The following EGFR variants were observed in gnomAD, a reference collection of about 807,000 sequenced individuals.
The protein encoded by EGFR is avian erythroblastic leukemia viral (v-erb-b) oncogene homolog.
In EGFR, 58 loss-of-function variants were observed where a neutral mutation model predicts 143.0. The observed-to-expected ratio is 0.41, with a 90% confidence interval of 0.33 to 0.50. EGFR has a LOEUF of 0.50. Ranked by LOEUF, EGFR falls within the 20% of genes least tolerant of loss-of-function variation. The pLI, the probability that EGFR is intolerant of heterozygous loss-of-function variation, is 0.39. For missense variants in EGFR, 1,307 were observed against 1,579.0 expected, an observed-to-expected ratio of 0.83 and a Z score of 2.92; for synonymous variants, 613 against 594.4, an observed-to-expected ratio of 1.03 and a Z score of -0.45.
At chr7:55,112,134 G>T (rs908067410) in intron 1 of EGFR, among the ~76,000 whole-genome samples, 1 of 152,244 alleles carries the variant, frequency 6.6e-6, no homozygotes, top group Non-Finnish European at 1.5e-5. Context: ...CCCCTACAGA[G>T]GTCCCCACTG....
chr7:55,032,161 G>T (rs1431264497), intron 1 of EGFR, among the ~76,000 whole-genome samples: 1 of 152,162 alleles, frequency 6.6e-6, no homozygotes, highest in Non-Finnish European at 1.5e-5. Context: ...AAGATGTTCT[G>T]CCAAGCCATA....
intron 1 of EGFR, among the ~76,000 whole-genome samples, chr7:55,042,741 T>C (rs1176834206): frequency 6.6e-6 from 1 of 152,076 alleles, no homozygotes; most frequent in African/African-American, 2.4e-5. Flanking sequence ...AAAATAATGA[T>C]AACAGGTCAA....
At chr7:55,203,747 CACATTAACACACCACAT>C (rs979603275) in intron 27 of EGFR, among the ~76,000 whole-genome samples, 1 of 150,714 alleles carries the variant, frequency 6.6e-6, no homozygotes, top group African/African-American at 2.4e-5. Flanking sequence ...CACAGAAACA[CACATTAACACACCACAT>C]ACACATATGT....
intron 15 of EGFR, chr7:55,168,427 A>G (rs1786177495): frequency 2.4e-6 from 2 of 839,564 alleles, no homozygotes; most frequent in Non-Finnish European, 4.1e-6. Flanking sequence ...TTTGTATAAG[A>G]AATAGTTTGC....
chr7:55,079,104 C>T (rs898111845), intron 1 of EGFR, among the ~76,000 whole-genome samples: 4 of 152,124 alleles, frequency 2.6e-5, no homozygotes, highest in African/African-American at 9.7e-5. Context: ...GCTCGAGCTG[C>T]GAGGCCCTGG....
intron 6 of EGFR, 51 bp downstream of exon 6, chr7:55,152,715 C>A (rs765027291): frequency 5.4e-6 from 8 of 1,488,072 alleles, no homozygotes; most frequent in South Asian, 1.1e-5. Context: ...GCTGCACCCG[C>A]CCCACCCACA....
At chr7:55,050,579 G>T (rs1037135814) in intron 1 of EGFR, among the ~76,000 whole-genome samples, 24 of 152,078 alleles carry the variant, frequency 1.6e-4, no homozygotes, top group Non-Finnish European at 3.4e-4. Flanking sequence ...GTCTTTTAAA[G>T]CCCAAATCTG....
At chr7:55,027,991 A>AAAAATATATATATAT (rs1554311534) in intron 1 of EGFR, among the ~76,000 whole-genome samples, 2 of 54,990 alleles carry the variant, frequency 3.6e-5, no homozygotes, top group Non-Finnish European at 7.4e-5. Context: ...AAAAAAAAAA[A>AAAAATATATATATAT]ATATATATAT....
chr7:55,138,915 G>C (rs1794305505), intron 1 of EGFR, among the ~76,000 whole-genome samples: 1 of 152,190 alleles, frequency 6.6e-6, no homozygotes, highest in South Asian at 2.1e-4. Context: ...AAGGTCAAGA[G>C]AGCATGCATG....
At chr7:55,109,260 C>G (rs1230774303) in intron 1 of EGFR, among the ~76,000 whole-genome samples, 4 of 152,182 alleles carry the variant, frequency 2.6e-5, no homozygotes, top group African/African-American at 9.6e-5. Context: ...GCAACCTAAA[C>G]AAAAGGGGTC....
chr7:55,029,860 A>G (rs770605199), intron 1 of EGFR, among the ~76,000 whole-genome samples: 4 of 152,234 alleles, frequency 2.6e-5, no homozygotes, highest in Non-Finnish European at 4.4e-5. Flanking sequence ...TTAAAAACAA[A>G]TCTAAATGTA....
At chr7:55,182,811 G>A (rs1039965320) in intron 20 of EGFR, among the ~76,000 whole-genome samples, 5 of 152,146 alleles carry the variant, frequency 3.3e-5, no homozygotes, top group African/African-American at 4.8e-5. Flanking sequence ...GTCATAACCC[G>A]GGCCACAGAG....
At chr7:55,180,946 G>A (rs557075655) in intron 19 of EGFR, 19 of 399,384 alleles carry the variant, frequency 4.8e-5, no homozygotes, top group African/African-American at 1.2e-4. Flanking sequence ...ACCTTGAGGC[G>A]GAGGTCTTCA....
intron 21 of EGFR, 123 bp downstream of exon 21, chr7:55,191,997 CGCAGCAGCTGCTGCTG>C: frequency 6.9e-7 from 1 of 1,445,732 alleles, no homozygotes; most frequent in Non-Finnish European, 9.5e-7. Flanking sequence ...TGGGTGAGCT[CGCAGCAGCTGCTGCTG>C]GCAGCTGGGT....
chr7:55,176,636 C>A (rs1163795133), intron 19 of EGFR, among the ~76,000 whole-genome samples: 1 of 151,758 alleles, frequency 6.6e-6, no homozygotes, highest in East Asian at 1.9e-4. Flanking sequence ...TGGCTTGAGT[C>A]CAGGAGATCT....
rs1481492577 is a variant in EGFR, at chr7:55,019,266, C to T, written c.-12C>T. On this transcript the variant is annotated 5_prime_UTR_variant, in exon 1 of 28. Coordinates refer to ENST00000275493, the MANE Select transcript of EGFR (RefSeq NM_005228.5). The stretch of plus-strand genomic sequence containing the variant: ...ATCGGGAGAGCCGGAGCGAGCTCTT[C>T]GGGGAGCAGCGATGCGACCCTCCGG... 8 of 1,489,450 alleles carry T rather than the reference C, an allele frequency of 5.4e-6. No individual in the cohort carries two copies. Among genetic ancestry groups the T allele is most frequent in the Non-Finnish European group, 6.3e-6 (7 of 1,113,596 alleles). 92.3% of individuals were successfully genotyped at this position (1,489,450 alleles called of 1,614,324 possible). A position where few individuals can be genotyped will look rare whatever the true frequency, so the allele number is the denominator to read the frequency against.
At chr7:55,144,158 G>T (rs966687049) in intron 3 of EGFR, among the ~76,000 whole-genome samples, 1 of 152,172 alleles carries the variant, frequency 6.6e-6, no homozygotes, top group Non-Finnish European at 1.5e-5. Context: ...TTCAAAGTAG[G>T]CACTGTACAG....
At chr7:55,142,117 C>T (rs542359442) in intron 1 of EGFR, among the ~76,000 whole-genome samples, 169 bp from the exon 2 acceptor site, 2 of 152,332 alleles carry the variant, frequency 1.3e-5, no homozygotes, top group Admixed American at 1.3e-4. Flanking sequence ...CTAAAGCTCA[C>T]TAAGTTAGTA....
chr7:55,179,161 A>C (rs1786740442), intron 19 of EGFR, among the ~76,000 whole-genome samples: 1 of 152,348 alleles, frequency 6.6e-6, no homozygotes, highest in East Asian at 1.9e-4. Flanking sequence ...TTTCCTCAAA[A>C]ACTTGGTGGG....
Sources: gnomAD v4.1 joint callset for allele counts (sites outside exome capture counted in the v4.1 genomes callset) on GRCh38, gnomAD v4.1.1 for gene constraint, MANE v1.5 for transcripts, NCBI Gene and HGNC (gene_info 2026-07-23, HGNC 2026-07-21) for gene names.